PLOD2: variants seen among roughly 807,000 people sequenced by gnomAD.
PLOD2 encodes lysine hydroxylase 2.
Under a neutral mutation model 101.0 loss-of-function variants are expected in PLOD2, and 65 were observed. That is an observed-to-expected ratio of 0.64 (90% CI 0.53 to 0.79). PLOD2 has a LOEUF of 0.79. PLOD2 is among the 30% of genes least tolerant of loss of function. PLOD2 has a pLI of 0.00. For missense variants in PLOD2, 909 were observed against 914.6 expected (o/e 0.99, Z 0.08); for synonymous variants, 314 against 302.9 (o/e 1.04, Z -0.38).
chr3:146,160,717 G>C, intron 1 of PLOD2, 164 bp downstream of exon 1: 1 of 606,358 alleles, frequency 1.6e-6, no homozygotes, highest in South Asian at 1.9e-5. Flanking sequence ...CCAGGGACCA[G>C]CGCCGCCCGA....
At chr3:146,112,712 G>A (rs547472839) in intron 3 of PLOD2, among the ~76,000 whole-genome samples, 51 of 152,066 alleles carry the variant, frequency 3.4e-4, no homozygotes, top group Non-Finnish European at 6.5e-4. Flanking sequence ...TTAGCTGTGC[G>A]TGGTGATGTG....
chr3:146,111,578 A>G (rs1348806332), intron 3 of PLOD2, among the ~76,000 whole-genome samples: 10 of 152,216 alleles, frequency 6.6e-5, no homozygotes, highest in African/African-American at 2.4e-4. Context: ...AAAGGGAGAG[A>G]CAGAGGAAAA....
At chr3:146,124,718 G>A (rs1300530420) in intron 1 of PLOD2, among the ~76,000 whole-genome samples, 1 of 152,028 alleles carries the variant, frequency 6.6e-6, no homozygotes, top group Admixed American at 6.6e-5. Context: ...AATAAATTGT[G>A]ACAACTGGGA....
rs1169178233 is a variant in PLOD2, at chr3:146,091,838, G to A, written c.841C>T (p.Leu281Phe). ...NSWTQDNGCTLCEFDTVDLSA... is the reference protein window; with the variant it reads ...NSWTQDNGCTFCEFDTVDLSA... ...AAGTCGACTGTATCGAATTCACAAA[G>A]AGTGCAGCCATTATCCTGTGTCCAT... Residue 281 changes from leucine (L) to phenylalanine (F), a missense_variant, in exon 8 of 20, where the codon CTT becomes TTT. Transcript: ENST00000282903. The A allele has an allele frequency of 6.2e-7, 1 of 1,607,022 alleles. No individual in the cohort carries two copies. The highest frequency in any genetic ancestry group is 8.5e-7 in the Non-Finnish European group (1 of 1,173,958).
chr3:146,096,985 GGCC>G (rs1338483526), intron 7 of PLOD2, among the ~76,000 whole-genome samples: 3 of 143,356 alleles, frequency 2.1e-5, no homozygotes, highest in African/African-American at 7.9e-5. Context: ...CAGCCGCCCC[GGCC>G]GGGAGGGAGG....
intron 1 of PLOD2, among the ~76,000 whole-genome samples, chr3:146,134,632 T>C (rs1380714654): frequency 6.6e-6 from 1 of 152,214 alleles, no homozygotes; most frequent in African/African-American, 2.4e-5. Flanking sequence ...TACTGTTTAT[T>C]TCATATTTTA....
rs75387048 is a variant in PLOD2 at position 146,138,113 on chromosome 3, A to G, written c.110-13884T>C. On this transcript the variant is annotated intron_variant, in intron 1 of 19. Coordinates refer to ENST00000282903, the MANE Select transcript of PLOD2 (RefSeq NM_182943.3). ...GAAGCCAAGATGGAGCAGATCACAG[A>G]CCACAGGGGGCACAGCTAAGAGAAT... 4.5e-3 allele frequency among the ~76,000 whole-genome samples: 679 copies of G among 152,242 alleles called. 5 individuals are homozygous for G. The highest frequency in any genetic ancestry group is 0.015 in the African/African-American group (609 of 41,558).
At chr3:146,116,300 C>A (rs185334836) in intron 3 of PLOD2, among the ~76,000 whole-genome samples, 2 of 151,730 alleles carry the variant, frequency 1.3e-5, no homozygotes, top group African/African-American at 4.8e-5. Context: ...AAAACACCCA[C>A]GTACCCAGTT....
At chr3:146,133,878 A>G (rs1291307492) in intron 1 of PLOD2, among the ~76,000 whole-genome samples, 3 of 152,184 alleles carry the variant, frequency 2.0e-5, no homozygotes, top group Admixed American at 1.3e-4. Flanking sequence ...AACAAAAACA[A>G]AAGCTATCTT....
In PLOD2 at chr3:146,106,277, T is replaced by C. The variant is rs532932330; in HGVS notation, c.615+255A>G. 9.7e-4 allele frequency among the ~76,000 whole-genome samples: 147 copies of C among 152,288 alleles called. 1 individual carries two copies. The highest frequency in any genetic ancestry group is 3.5e-3 in the African/African-American group (146 of 41,542). On this transcript the variant is annotated intron_variant, in intron 5 of 19. Coordinates refer to ENST00000282903, the MANE Select transcript of PLOD2 (RefSeq NM_182943.3). Reference sequence around the variant, plus strand: ...ATAGTTCTTCTTTCCTTCTGCCTGATCCAACCAAGTTCGGCAAGTTTGCCA... The same window carrying C: ...ATAGTTCTTCTTTCCTTCTGCCTGACCCAACCAAGTTCGGCAAGTTTGCCA...
chr3:146,089,850 T>A (rs904276934), intron 8 of PLOD2, among the ~76,000 whole-genome samples: 1 of 151,538 alleles, frequency 6.6e-6, no homozygotes, highest in Non-Finnish European at 1.5e-5. Flanking sequence ...AATGAGATGA[T>A]GCGTTTCATT....
At chr3:146,075,642 A>T (rs191779771) in intron 15 of PLOD2, among the ~76,000 whole-genome samples, 60 of 151,824 alleles carry the variant, frequency 4.0e-4, no homozygotes, top group African/African-American at 1.4e-3. Flanking sequence ...AAATAATTTT[A>T]AAAAATGTAT....
intron 9 of PLOD2, among the ~76,000 whole-genome samples, chr3:146,087,230 AT>A: frequency 6.6e-6 from 1 of 152,108 alleles, no homozygotes; most frequent in South Asian, 2.1e-4. Context: ...CCTTAGTAAT[AT>A]AAAATGTTTC....
At chr3:146,119,271 G>C (rs1266056517) in intron 3 of PLOD2, among the ~76,000 whole-genome samples, 1 of 152,026 alleles carries the variant, frequency 6.6e-6, no homozygotes, top group African/African-American at 2.4e-5. Context: ...TAAGTTTCCT[G>C]AGGCCTCTCC....
chr3:146,088,159 G>A (rs1387284445), intron 9 of PLOD2, among the ~76,000 whole-genome samples: 2 of 151,632 alleles, frequency 1.3e-5, no homozygotes, highest in Non-Finnish European at 3.0e-5. Context: ...GCATGCCCTT[G>A]TGTAATTAAT....
intron 14 of PLOD2, 137 bp downstream of exon 14, chr3:146,077,725 C>G (rs1267911150): frequency 1.7e-6 from 1 of 585,770 alleles, no homozygotes; most frequent in Non-Finnish European, 3.0e-6. Context: ...AACACGCAAA[C>G]ACACAGATGA....
intron 7 of PLOD2, among the ~76,000 whole-genome samples, chr3:146,098,844 A>C (rs531548353): frequency 2.8e-4 from 42 of 152,300 alleles, no homozygotes; most frequent in African/African-American, 9.6e-4. Flanking sequence ...ACAAAAAATC[A>C]TACCAAAAAA....
At position 146,122,872 on chromosome 3, in the gene PLOD2, T is replaced by C. The variant is rs564391151; in HGVS notation, c.201+1266A>G. ...GGTGCCTTGCACATAAGAAACATTC[T>C]ACTCTCTCTCCATTCTGAACCCTAA... On this transcript the variant is annotated intron_variant, in intron 2 of 19. Transcript: ENST00000282903. 5.3e-5 allele frequency among the ~76,000 whole-genome samples: 8 copies of C among 152,274 alleles called. No individual in the cohort carries two copies. The South Asian group carries it at 1.7e-3, about 32-fold the overall frequency.
chr3:146,105,484 A>G (rs527699399), intron 5 of PLOD2, among the ~76,000 whole-genome samples: 44 of 152,306 alleles, frequency 2.9e-4, no homozygotes, highest in African/African-American at 9.6e-4. Flanking sequence ...TTTGGCTTCA[A>G]TGTTTTCTCA....
Sources: allele counts gnomAD v4.1 joint callset (sites outside exome capture counted in the v4.1 genomes callset), GRCh38; gene constraint gnomAD v4.1.1; transcripts MANE v1.5; gene names NCBI Gene and HGNC (gene_info 2026-07-23, HGNC 2026-07-21).